Variants in DUOX2 observed in about 807,000 individuals in gnomAD.
DUOX2 encodes the protein dual oxidase 2, also known as NADH/NADPH thyroid oxidase p138-tox.
Under a neutral mutation model 183.3 loss-of-function variants are expected in DUOX2, and 185 were observed. The observed-to-expected ratio is 1.01, with a 90% CI of 0.90 to 1.14. The LOEUF is 1.14. Ranked by LOEUF, DUOX2 falls within the 50% of genes most tolerant of loss-of-function variation. The pLI, the probability that DUOX2 is intolerant of heterozygous loss-of-function variation, is 0.00. For synonymous variants in DUOX2, 788 were observed against 812.4 expected (o/e 0.97, Z 0.51); for missense variants, 1,999 against 2,022.9 (o/e 0.99, Z 0.23).
intron 3 of DUOX2, 119 bp downstream of exon 3, chr15:45,112,868 G>T (rs886150165): frequency 4.6e-6 from 7 of 1,538,046 alleles, no homozygotes; most frequent in Middle Eastern, 1.8e-4. Flanking sequence ...ATAAGATTGC[G>T]CTGTGTAGGC....
At chr15:45,095,635 C>T (rs1350910158) in intron 30 of DUOX2, 40 bp from the exon 31 acceptor site, 5 of 1,613,912 alleles carry the variant, frequency 3.1e-6, no homozygotes, top group Non-Finnish European at 1.7e-6. Context: ...CCTGACCCTG[C>T]CCCAGCTCTG....
intron 13 of DUOX2, among the ~76,000 whole-genome samples, 161 bp downstream of exon 13, chr15:45,107,879 GAAAAAGA>G (rs1463343819): frequency 1.8e-3 from 26 of 14,344 alleles, no homozygotes; most frequent in Middle Eastern, 0.018. Context: ...AAAAGAAAAA[GAAAAAGA>G]AAAAGAGAAG....
At position 45,101,947 on chromosome 15, in the gene DUOX2, C is replaced by T. The variant is rs1894094800; in HGVS notation, c.2697G>A (p.Gln899=). 1 of 1,614,132 alleles carries T rather than the reference C, an allele frequency of 6.2e-7. No individual in the cohort carries two copies. Among genetic ancestry groups the T allele is most frequent in the African/African-American group, 1.3e-5 (1 of 74,950 alleles). ...ACATAGACTCCACCACCTCGGCCAG[C>T]TGGGCCTTGGACAGGCAGTTGTTGG... ...EISNNCLSKA[Q]LAEVVESMFR... is the part of the protein sequence containing the mutation. Residue 899 remains glutamine, a synonymous_variant, in exon 21 of 34, where the codon CAG becomes CAA. Transcript: ENST00000389039.
In DUOX2 at chr15:45,111,912, ACCGGGCGTTT is replaced by A; in HGVS notation, c.359_368del (p.Glu120ValfsTer53). 1 of 1,613,752 alleles carries A rather than the reference ACCGGGCGTTT, an allele frequency of 6.2e-7. No individual in the cohort carries two copies. The highest frequency in any genetic ancestry group is 8.5e-7 in the Non-Finnish European group (1 of 1,179,992). On this transcript the variant is annotated frameshift_variant, in exon 5 of 34. Transcript: ENST00000389039. LOFTEE classifies it high-confidence loss of function. ...GGATGTTGAGGAACTCGGCGGGGCA[ACCGGGCGTTT>A]CCACGCTCACCACGTCGGAAAGAAC...
chr15:45,103,238 T>C (rs1034585593), intron 20 of DUOX2, among the ~76,000 whole-genome samples: 1 of 152,248 alleles, frequency 6.6e-6, no homozygotes, highest in Non-Finnish European at 1.5e-5. Context: ...ATTGAAATAA[T>C]GTGGGCTGTT....
At chr15:45,108,362 C>T in intron 12 of DUOX2, 140 bp from the exon 13 acceptor site, 2 of 1,013,114 alleles carry the variant, frequency 2.0e-6, no homozygotes, top group South Asian at 1.5e-5. Flanking sequence ...GGCAAGCCCC[C>T]TCAGGCAGGA....
rs992134857 is a variant in DUOX2 at position 45,093,992 on chromosome 15, G to T, written c.*158C>A. ...CCTGCCTTTTCTCATTTGTATAATT[G>T]TCTGGGTCAATATTCTCCCAATATT... On this transcript the variant is annotated 3_prime_UTR_variant, in exon 34 of 34. Transcript: ENST00000389039. 1 of 921,086 alleles carries T rather than the reference G, an allele frequency of 1.1e-6. No individual in the cohort carries two copies. The highest frequency in any genetic ancestry group is 1.7e-6 in the Non-Finnish European group (1 of 581,846). 57.1% of individuals were successfully genotyped at this position (921,086 alleles called of 1,614,324 possible).
At chr15:45,107,231 C>T in intron 14 of DUOX2, 114 bp downstream of exon 14, 1 of 1,403,142 alleles carries the variant, frequency 7.1e-7, no homozygotes, top group Non-Finnish European at 1.0e-6. Flanking sequence ...GGCCTCCTAG[C>T]CCAACACAGA....
At chr15:45,101,716 G>A in intron 21 of DUOX2, 77 bp downstream of exon 21, 1 of 1,588,276 alleles carries the variant, frequency 6.3e-7, no homozygotes, top group Non-Finnish European at 8.6e-7. Flanking sequence ...AGTAAGACCT[G>A]GGTCCTGCCC....
At position 45,100,073 on chromosome 15, in the gene DUOX2, C is replaced by T; in HGVS notation, c.3161G>A (p.Gly1054Asp). Residue 1054 changes from glycine to aspartate, a missense_variant, in exon 24 of 34, where the codon GGC (glycine) becomes GAC (aspartate). Physicochemically the swap from Gly to Asp is moderately conservative, Grantham distance 94 (BLOSUM62 -1). This residue lies in a region of DUOX2 where 1,628 missense variants were observed against 1,608.6 expected (regional missense o/e 1.01). Transcript: ENST00000389039. ...CVAIFSAICV[G>D]VFADRAYYYG... ...ACAGTAAGCACGATCTGCAAACACG[C>T]CAACACAGATGGCCGAGAAGATTGC... The T allele has an allele frequency of 6.2e-7, 1 of 1,614,244 alleles. No individual in the cohort carries two copies. Among genetic ancestry groups the T allele is most frequent in the Non-Finnish European group, 8.5e-7 (1 of 1,180,050 alleles).
intron 21 of DUOX2, 50 bp downstream of exon 21, chr15:45,101,743 T>C: frequency 4.3e-6 from 7 of 1,613,158 alleles, no homozygotes; most frequent in East Asian, 2.2e-5. Flanking sequence ...AACTCTCATT[T>C]TGAGGACACG....
At chr15:45,108,284 C>T (rs1894282472) in intron 12 of DUOX2, 62 bp from the exon 13 acceptor site, 2 of 1,590,816 alleles carry the variant, frequency 1.3e-6, no homozygotes, top group South Asian at 1.1e-5. Flanking sequence ...GCCACTGTTG[C>T]CCCATCCCTC....
At chr15:45,109,035 C>T in intron 11 of DUOX2, 83 bp from the exon 12 acceptor site, 2 of 1,551,406 alleles carry the variant, frequency 1.3e-6, no homozygotes, top group Admixed American at 1.7e-5. Context: ...ACTATTGGCA[C>T]TACGGTTCTT....
At chr15:45,110,752 G>C in intron 7 of DUOX2, 42 bp from the exon 8 acceptor site, 1 of 1,611,812 alleles carries the variant, frequency 6.2e-7, no homozygotes, top group African/African-American at 1.3e-5. Flanking sequence ...AAGTTGGATG[G>C]TGTGGGGCCT....
chr15:45,107,403 G>A lies in DUOX2; in HGVS notation c.1635C>T (p.Val545=), dbSNP rs150204962. 9.3e-6 allele frequency: 15 copies of A among 1,614,078 alleles called. No individual in the cohort carries two copies. In the African/African-American group the frequency reaches 1.6e-4, roughly 17 times the overall value. ...IRNTTLRDVL[V]AVINIDPSAL... Reference sequence around the variant, plus strand: ...CACTGGGGTCAATGTTGATAACAGCGACCAGCACGTCCCGCAGGGTGGTAT... The same window carrying A: ...CACTGGGGTCAATGTTGATAACAGCAACCAGCACGTCCCGCAGGGTGGTAT... Residue 545 remains valine (V), a synonymous_variant, in exon 14 of 34, where the codon GTC becomes GTT. Coordinates refer to ENST00000389039, the MANE Select transcript of DUOX2 (RefSeq NM_001363711.2).
intron 8 of DUOX2, 53 bp downstream of exon 8, chr15:45,110,597 C>G: frequency 1.2e-6 from 2 of 1,613,762 alleles, no homozygotes; most frequent in Non-Finnish European, 1.7e-6. Flanking sequence ...AGGCACCTGT[C>G]TCCTTCCCCT....
rs773231313 is a variant in DUOX2, at chr15:45,099,878, A to G, written c.3199T>C (p.Ser1067Pro). Reference sequence around the variant, plus strand: ...GTCTGTGCAATGTCCGAGGGTGGCGAGGCAAAGCCATAGTCTGGGGCCGGA... The same window carrying G: ...GTCTGTGCAATGTCCGAGGGTGGCGGGGCAAAGCCATAGTCTGGGGCCGGA... Reference protein sequence around the residue: ...ADRAYYYGFASPPSDIAQTTL... With the variant: ...ADRAYYYGFAPPPSDIAQTTL... The change falls in exon 25 of 34, where the codon TCG becomes CCG. Residue 1067 changes from serine to proline, a missense_variant. Physicochemically the swap from Ser to Pro is moderately conservative, Grantham distance 74 (BLOSUM62 -1). Transcript: ENST00000389039. 6.2e-7 allele frequency: 1 copy of G among 1,614,176 alleles called. No individual in the cohort carries two copies. The highest frequency in any genetic ancestry group is 8.5e-7 in the Non-Finnish European group (1 of 1,180,032).
In DUOX2 at chr15:45,101,865, T is replaced by C. The variant is rs755186335; in HGVS notation, c.2779A>G (p.Met927Val). 19 of 1,614,122 alleles carry C rather than the reference T, an allele frequency of 1.2e-5. No individual in the cohort carries two copies. The East Asian group carries it at 3.6e-4, about 30-fold the overall frequency. The change falls in exon 21 of 34, where the codon ATG (methionine) becomes GTG (valine). Residue 927 changes from methionine (M) to valine (V), a missense_variant. Transcript: ENST00000389039. Reference sequence around the variant, plus strand: ...AGCTCGCTGTCATGGTCCCGCAGCATGAAGTGAAAATCCTCCCATGTCAGC... The same window carrying C: ...AGCTCGCTGTCATGGTCCCGCAGCACGAAGTGAAAATCCTCCCATGTCAGC... Reference protein sequence around the residue: ...EELTWEDFHFMLRDHDSELRF... With the variant: ...EELTWEDFHFVLRDHDSELRF...
chr15:45,113,221 C>A, intron 2 of DUOX2, 121 bp downstream of exon 2: 1 of 1,453,424 alleles, frequency 6.9e-7, no homozygotes, highest in East Asian at 2.5e-5. Context: ...GTTTCCCATC[C>A]CGCTGAGCTG....
Sources: gnomAD v4.1 joint callset for allele counts (sites outside exome capture counted in the v4.1 genomes callset) on GRCh38, gnomAD v4.1.1 for gene constraint, gnomAD v4.1.1 regional missense constraint, MANE v1.5 for transcripts, NCBI Gene and HGNC (gene_info 2026-07-23, HGNC 2026-07-21) for gene names.